Variants in SORCS1 observed in about 807,000 individuals in gnomAD.
SORCS1 encodes the protein sortilin related VPS10 domain containing receptor 1.
In SORCS1, 60 loss-of-function variants were observed where a neutral mutation model predicts 146.1. The ratio of observed to expected loss-of-function variants is 0.41; its 90% CI spans 0.33 to 0.51. The LOEUF (loss-of-function observed/expected upper bound fraction) is 0.51, where lower values mean the gene tolerates loss of function less well. Among genes scored for constraint, SORCS1 ranks in the 20% least tolerant of loss-of-function variants. SORCS1 has a pLI of 0.21. For synonymous variants in SORCS1, 637 were observed against 584.0 expected (o/e 1.09, Z -1.31); for missense variants, 1,352 against 1,487.6 (o/e 0.91, Z 1.50).
chr10:106,936,075 G>A (rs1304256771), intron 2 of SORCS1, among the ~76,000 whole-genome samples: 2 of 152,130 alleles, frequency 1.3e-5, no homozygotes, highest in African/African-American at 4.8e-5. Context: ...AGTGATCTTT[G>A]CAGTATGGTG....
chr10:106,913,088 A>C (rs536452649), intron 2 of SORCS1, among the ~76,000 whole-genome samples: 2 of 151,762 alleles, frequency 1.3e-5, no homozygotes, highest in South Asian at 4.2e-4. Flanking sequence ...AAAAAAAAAA[A>C]CGCAAGGCTT....
Position 107,164,404 on chromosome 10 carries a change from CGG to C in SORCS1, c.121_122del (p.Pro41AlafsTer13). On this transcript the variant is annotated frameshift_variant, in exon 1 of 26. Coordinates refer to ENST00000263054, the MANE Select transcript of SORCS1 (RefSeq NM_052918.5). LOFTEE classifies it high-confidence loss of function. The surrounding 1 kb of genome is among the most constrained non-coding windows in gnomAD (Gnocchi z 6.8). ...VCGGGSCCPS[P>X]HPSSAPRSAS... ...CCGAGCGTGGAGCGGAGCTGGGGTG[CGG>C]CGAGGGGCAGCAGGAGCCGCCGCCG... 1 of 1,420,312 alleles carries C rather than the reference CGG, an allele frequency of 7.0e-7. No homozygotes were observed. Among genetic ancestry groups the C allele is most frequent in the Non-Finnish European group, 9.2e-7 (1 of 1,091,642 alleles). The allele number at this position is 1,420,312 out of a possible 1,614,324, so 88.0% of individuals were successfully genotyped here. A position where few individuals can be genotyped will look rare whatever the true frequency, so the allele number is the denominator to read the frequency against.
rs144605296 is a variant in SORCS1, at chr10:106,732,344, T to C, written c.960-2230A>G. Among the ~76,000 whole-genome samples the C allele has an allele frequency of 4.1e-3, 623 of 152,258 alleles. 1 individual carries two copies. Among genetic ancestry groups the C allele is most frequent in the East Asian group, 0.016 (82 of 5,162 alleles). ...CCCTTTCATCAGAATTTCAGTTAAG[T>C]ACTGCAGCGACTACTAGGCTTTGGG... is the stretch of plus-strand genomic sequence containing the variant. On this transcript the variant is annotated intron_variant, in intron 5 of 25. Transcript: ENST00000263054.
At chr10:106,765,304 A>T (rs1049464844) in intron 4 of SORCS1, among the ~76,000 whole-genome samples, 45 of 151,314 alleles carry the variant, frequency 3.0e-4, no homozygotes, top group African/African-American at 1.0e-3. Context: ...AACCCTCCAC[A>T]CTGTCATTAT....
At chr10:107,176,813 T>C in the SORCS1 span, among the ~76,000 whole-genome samples, 3 of 152,190 alleles carry the variant, frequency 2.0e-5, no homozygotes, top group African/African-American at 7.2e-5. Context: ...TTCTGTAATA[T>C]TTACCCTTAG....
chr10:106,624,435 G>A (rs1847961643), intron 19 of SORCS1, among the ~76,000 whole-genome samples: 2 of 122,462 alleles, frequency 1.6e-5, no homozygotes, highest in Non-Finnish European at 3.1e-5. Context: ...ATCTTGGCTT[G>A]TTGCAACCTC....
At chr10:106,810,197 G>A (rs1364532609) in intron 3 of SORCS1, among the ~76,000 whole-genome samples, 1 of 152,050 alleles carries the variant, frequency 6.6e-6, no homozygotes, top group Non-Finnish European at 1.5e-5. Context: ...TTCCAGCCTG[G>A]GTGACACAGT....
chr10:106,864,431 T>G (rs1159832628), intron 2 of SORCS1, among the ~76,000 whole-genome samples: 1 of 152,110 alleles, frequency 6.6e-6, no homozygotes, highest in Admixed American at 6.6e-5. Flanking sequence ...TGGCCTTTAG[T>G]CTAACACACA....
intron 1 of SORCS1, among the ~76,000 whole-genome samples, chr10:107,125,191 T>C (rs2485197): frequency 0.034 from 5,199 of 152,182 alleles, 320 homozygotes; most frequent in African/African-American, 0.12. Flanking sequence ...GATCTCATAA[T>C]CTGCACGCCT....
chr10:106,990,015 C>A (rs1403398724), intron 1 of SORCS1, among the ~76,000 whole-genome samples: 1 of 151,858 alleles, frequency 6.6e-6, no homozygotes, highest in Admixed American at 6.6e-5. Flanking sequence ...CAGCCTGATT[C>A]ATGTTGCTGT....
intron 9 of SORCS1, among the ~76,000 whole-genome samples, chr10:106,693,984 TC>T (rs1853499120): frequency 6.7e-6 from 1 of 150,182 alleles, no homozygotes; most frequent in Non-Finnish European, 1.5e-5. Flanking sequence ...TGCCAAAATT[TC>T]AAAAAAAAAT....
intron 1 of SORCS1, among the ~76,000 whole-genome samples, chr10:107,032,865 C>T (rs1428679181): frequency 6.6e-6 from 1 of 152,212 alleles, no homozygotes; most frequent in Non-Finnish European, 1.5e-5. Flanking sequence ...CTGCAGTCAT[C>T]AACCTAGCAA....
intron 4 of SORCS1, among the ~76,000 whole-genome samples, chr10:106,763,832 CCTTT>C (rs1354938785): frequency 2.0e-5 from 3 of 152,182 alleles, no homozygotes; most frequent in Non-Finnish European, 4.4e-5. Context: ...GGCAGAAATT[CCTTT>C]CTATCTAAAA....
At position 106,638,265 on chromosome 10, in the gene SORCS1, T is replaced by C. The variant is rs373277216; in HGVS notation, c.2476-8877A>G. 2.2e-4 allele frequency among the ~76,000 whole-genome samples: 33 copies of C among 152,300 alleles called. No homozygotes were observed. The South Asian group carries it at 6.6e-3, about 31-fold the overall frequency. ...CTCATAAAGTAAAGACATTCAGCTATGTAATTAGAACAAAACTATATATAC... is the reference window on the plus strand; with the variant it reads ...CTCATAAAGTAAAGACATTCAGCTACGTAATTAGAACAAAACTATATATAC... On this transcript the variant is annotated intron_variant, in intron 18 of 25. Coordinates refer to ENST00000263054, the MANE Select transcript of SORCS1 (RefSeq NM_052918.5).
At chr10:106,854,662 A>G (rs564811912) in intron 2 of SORCS1, among the ~76,000 whole-genome samples, 3 of 151,914 alleles carry the variant, frequency 2.0e-5, no homozygotes, top group East Asian at 1.9e-4. Context: ...AGAGTTTGCA[A>G]TACATATTTA....
At chr10:107,056,736 G>A (rs1354848911) in intron 1 of SORCS1, among the ~76,000 whole-genome samples, 2 of 152,214 alleles carry the variant, frequency 1.3e-5, no homozygotes, top group Non-Finnish European at 2.9e-5. Context: ...ATGGTAAAAC[G>A]TGTTCTCTGC....
upstream of SORCS1, among the ~76,000 whole-genome samples, chr10:107,168,926 G>T (rs1970105536): frequency 6.6e-6 from 1 of 152,056 alleles, no homozygotes; most frequent in Non-Finnish European, 1.5e-5. Flanking sequence ...AACATTTTTA[G>T]TAATGCTGAG....
At chr10:107,062,504 A>G (rs79067445) in intron 1 of SORCS1, among the ~76,000 whole-genome samples, 1,623 of 152,166 alleles carry the variant, frequency 0.011, 43 homozygotes, top group African/African-American at 0.037. Flanking sequence ...ACAGAAGGAG[A>G]TGTAATGTTA....
intron 1 of SORCS1, among the ~76,000 whole-genome samples, chr10:107,074,964 G>A (rs953861933): frequency 6.6e-6 from 1 of 151,980 alleles, no homozygotes. Context: ...CACCTTTATT[G>A]ATAAGTGTTT....
Sources: allele counts gnomAD v4.1 joint callset (sites outside exome capture counted in the v4.1 genomes callset), GRCh38; gene constraint gnomAD v4.1.1; non-coding constraint Gnocchi (gnomAD v3.1); transcripts MANE v1.5; gene names NCBI Gene and HGNC (gene_info 2026-07-23, HGNC 2026-07-21).